Variants in ATXN7 observed in about 807,000 individuals in gnomAD.
The protein encoded by ATXN7 is ataxin 7, also known as ataxin-7.
A neutral mutation model predicts 70.5 loss-of-function variants in ATXN7; 12 were observed. That is an observed-to-expected ratio of 0.17 (90% CI 0.11 to 0.28). The LOEUF is 0.28. Among genes scored for constraint, ATXN7 ranks in the 10% least tolerant of loss-of-function variants. The probability of loss-of-function intolerance (pLI) is 1.00; values close to 1 mark genes in which losing one functional copy is unlikely to be tolerated. For missense variants in ATXN7, 1,256 were observed against 1,131.7 expected (o/e 1.11, Z -1.58); for synonymous variants, 498 against 448.7 (o/e 1.11, Z -1.39).
intron 2 of ATXN7, chr3:63,903,580 A>C (rs1306684224): frequency 1.3e-5 from 2 of 152,230 alleles, no homozygotes; most frequent in African/African-American, 4.8e-5. Context: ...ATGAATTGTT[A>C]TAAAATGTGA....
At chr3:63,940,179 A>T (rs1033515125) in intron 4 of ATXN7, among the ~76,000 whole-genome samples, 1 of 152,028 alleles carries the variant, frequency 6.6e-6, no homozygotes, top group African/African-American at 2.4e-5. Context: ...GGACCTGAGA[A>T]GGCCCTAATC....
chr3:63,931,035 G>T (rs999092813), intron 4 of ATXN7, among the ~76,000 whole-genome samples: 4 of 152,196 alleles, frequency 2.6e-5, no homozygotes, highest in African/African-American at 9.6e-5. Flanking sequence ...AAGAAAAGGT[G>T]AGACACAAGG....
intron 4 of ATXN7, among the ~76,000 whole-genome samples, chr3:63,942,533 A>G (rs2074788389): frequency 6.6e-6 from 1 of 152,178 alleles, no homozygotes; most frequent in Non-Finnish European, 1.5e-5. Flanking sequence ...CAATACCTTG[A>G]ATAGTGCCTA....
chr3:63,992,038 CTG>C (rs1348221842), intron 11 of ATXN7, among the ~76,000 whole-genome samples: 1 of 152,192 alleles, frequency 6.6e-6, no homozygotes, highest in Non-Finnish European at 1.5e-5. Flanking sequence ...GCTAAAGTGA[CTG>C]TCCAGTAATC....
intron 1 of ATXN7, among the ~76,000 whole-genome samples, chr3:63,897,839 TACC>T (rs1399507791): frequency 6.6e-6 from 1 of 152,220 alleles, no homozygotes; most frequent in Admixed American, 6.5e-5. Flanking sequence ...ATTAAAAAGT[TACC>T]ACATTTTACC....
At position 63,980,122 on chromosome 3, in the gene ATXN7, G is replaced by A. The variant is rs762067362; in HGVS notation, c.707G>A (p.Arg236Lys). Reference protein sequence around the residue: ...KEKLQLRGNTRPMHPIQQSRV... With the variant: ...KEKLQLRGNTKPMHPIQQSRV... The stretch of plus-strand genomic sequence containing the variant: ...AAACTGCAGCTCAGGGGGAACACCA[G>A]GCCAATGCATCCCATTCAGCAAAGT... The change falls in exon 6 of 13, where the codon AGG (arginine) becomes AAG (lysine). Residue 236 changes from arginine to lysine, a missense_variant. Transcript: ENST00000674280. The A allele has an allele frequency of 1.2e-6, 2 of 1,614,208 alleles. No individual in the cohort carries two copies. Among genetic ancestry groups the A allele is most frequent in the South Asian group, 1.1e-5 (1 of 91,088 alleles).
intron 1 of ATXN7, among the ~76,000 whole-genome samples, chr3:63,895,765 T>C (rs529670733): frequency 6.6e-6 from 1 of 152,046 alleles, no homozygotes; most frequent in Non-Finnish European, 1.5e-5. Flanking sequence ...CTCTTTTCTG[T>C]CTCTCTCTTG....
chr3:63,961,172 C>A (rs2075123059), intron 5 of ATXN7, among the ~76,000 whole-genome samples: 2 of 152,004 alleles, frequency 1.3e-5, no homozygotes, highest in South Asian at 4.1e-4. Context: ...TAATATTTAC[C>A]AATGTATTTT....
intron 1 of ATXN7, among the ~76,000 whole-genome samples, chr3:63,886,277 A>G (rs908618442): frequency 6.6e-6 from 1 of 152,082 alleles, no homozygotes; most frequent in Non-Finnish European, 1.5e-5. Context: ...AAATGGGGAG[A>G]TGTTGATCAA....
chr3:63,935,493 T>G (rs947525539), intron 4 of ATXN7, among the ~76,000 whole-genome samples: 1 of 152,174 alleles, frequency 6.6e-6, no homozygotes, highest in Admixed American at 6.5e-5. Context: ...GCTTTGACAT[T>G]AAGGAATGTG....
At chr3:63,913,846 T>C (rs916362516) in intron 4 of ATXN7, among the ~76,000 whole-genome samples, 15 of 152,210 alleles carry the variant, frequency 9.9e-5, no homozygotes, top group Admixed American at 1.3e-4. Flanking sequence ...TTAAACTGTT[T>C]GGTAAAAAGA....
chr3:63,907,456 C>CT (rs946462374), intron 2 of ATXN7, among the ~76,000 whole-genome samples: 2,903 of 116,624 alleles, frequency 0.025, 70 homozygotes, highest in African/African-American at 0.037. Flanking sequence ...CATTCCTTGT[C>CT]TTTTTTTTTT....
rs550176791 is a variant in ATXN7 at position 63,930,011 on chromosome 3, G to A, written c.394+16786G>A. On this transcript the variant is annotated intron_variant, in intron 4 of 12. Coordinates refer to ENST00000674280, the MANE Select transcript of ATXN7 (RefSeq NM_001377405.1). ...TCCCCGATCCATCCACAGGAACTGG[G>A]AATTACCTGCCCAGTAGTCTTTGGC... 2.6e-5 allele frequency among the ~76,000 whole-genome samples: 4 copies of A among 152,298 alleles called. No individual in the cohort carries two copies. In the South Asian group the frequency reaches 6.2e-4, roughly 24 times the overall value.
chr3:63,891,613 A>G (rs879607440), intron 1 of ATXN7, among the ~76,000 whole-genome samples: 3 of 152,218 alleles, frequency 2.0e-5, no homozygotes, highest in Non-Finnish European at 2.9e-5. Flanking sequence ...GTGAGCCATC[A>G]CACCTGGCTT....
intron 4 of ATXN7, among the ~76,000 whole-genome samples, chr3:63,940,189 C>T (rs1363836437): frequency 6.6e-6 from 1 of 151,952 alleles, no homozygotes; most frequent in Non-Finnish European, 1.5e-5. Flanking sequence ...AGGCCCTAAT[C>T]TCACCTCTTG....
intron 2 of ATXN7, chr3:63,912,006 T>A (rs985882482): frequency 1.3e-5 from 2 of 152,250 alleles, no homozygotes; most frequent in South Asian, 4.1e-4. Flanking sequence ...TCCGGGGGCT[T>A]GACGTGCAAA....
At chr3:63,966,839 T>G (rs1037606716) in intron 5 of ATXN7, among the ~76,000 whole-genome samples, 1 of 152,244 alleles carries the variant, frequency 6.6e-6, no homozygotes, top group Non-Finnish European at 1.5e-5. Flanking sequence ...GAAGAATCTT[T>G]TGCTGCTTCT....
chr3:63,970,733 G>T (rs1016003235), intron 5 of ATXN7, among the ~76,000 whole-genome samples: 1 of 152,086 alleles, frequency 6.6e-6, no homozygotes, highest in Non-Finnish European at 1.5e-5. Flanking sequence ...ATCCATTCAC[G>T]CCTGTCCCTT....
chr3:63,918,293 T>G (rs914975428), intron 4 of ATXN7, among the ~76,000 whole-genome samples: 13 of 152,286 alleles, frequency 8.5e-5, no homozygotes, highest in African/African-American at 2.9e-4. Flanking sequence ...AAAAAAATGG[T>G]TCATGGTTAA....
Sources: gnomAD v4.1 joint callset for allele counts (sites outside exome capture counted in the v4.1 genomes callset) on GRCh38, gnomAD v4.1.1 for gene constraint, MANE v1.5 for transcripts, NCBI Gene and HGNC (gene_info 2026-07-23, HGNC 2026-07-21) for gene names.